LCORL: variants seen among roughly 807,000 people sequenced by gnomAD.
LCORL encodes ligand-dependent nuclear receptor corepressor-like protein.
LCORL carries 41 observed loss-of-function variants against 141.8 expected under a neutral mutation model. That is an observed-to-expected ratio of 0.29 (90% CI 0.23 to 0.38). The LOEUF (loss-of-function observed/expected upper bound fraction) is 0.38, where lower values mean the gene tolerates loss of function less well. Among genes scored for constraint, LCORL ranks in the 10% least tolerant of loss-of-function variants. The pLI is 1.00. For synonymous variants in LCORL, 618 were observed against 694.1 expected (o/e 0.89, Z 1.72); for missense variants, 1,759 against 2,035.0 (o/e 0.86, Z 2.61).
At chr4:17,989,101 A>C (rs1254660748) in intron 1 of LCORL, among the ~76,000 whole-genome samples, 2 of 152,220 alleles carry the variant, frequency 1.3e-5, no homozygotes, top group Non-Finnish European at 2.9e-5. Flanking sequence ...TAGTATATCT[A>C]TAGATTCTCT....
chr4:17,917,120 A>G (rs1733565174), intron 4 of LCORL, among the ~76,000 whole-genome samples: 1 of 151,694 alleles, frequency 6.6e-6, no homozygotes, highest in Non-Finnish European at 1.5e-5. Flanking sequence ...GATTACAGAC[A>G]TGTGCTACTG....
intron 5 of LCORL, among the ~76,000 whole-genome samples, chr4:17,907,379 G>C (rs1473015712): frequency 1.3e-5 from 2 of 152,108 alleles, no homozygotes; most frequent in Non-Finnish European, 2.9e-5. Flanking sequence ...AATTACAATT[G>C]AAGAAATTAA....
intron 7 of LCORL, among the ~76,000 whole-genome samples, chr4:17,857,083 G>A (rs1724444480): frequency 6.6e-6 from 1 of 152,204 alleles, no homozygotes; most frequent in South Asian, 2.1e-4. Flanking sequence ...TGGCCATGAT[G>A]AAGTAACAGG....
At chr4:17,917,954 A>G (rs1680614310) in intron 4 of LCORL, among the ~76,000 whole-genome samples, 1 of 151,894 alleles carries the variant, frequency 6.6e-6, no homozygotes, top group African/African-American at 2.4e-5. Flanking sequence ...ACAAAACAAA[A>G]CAAAACAAAA....
intron 5 of LCORL, among the ~76,000 whole-genome samples, chr4:17,897,400 AT>A (rs1254041441): frequency 2.0e-5 from 3 of 151,102 alleles, no homozygotes; most frequent in African/African-American, 7.3e-5. Flanking sequence ...CAATTATCTT[AT>A]TGGGGTGGAA....
chr4:17,946,113 A>C (rs1738836516), intron 4 of LCORL, among the ~76,000 whole-genome samples: 1 of 152,022 alleles, frequency 6.6e-6, no homozygotes, highest in Non-Finnish European at 1.5e-5. Context: ...ATCAGTTCTC[A>C]TAACAAAACA....
Position 17,881,019 on chromosome 4 carries a change from T to C in LCORL, c.777-2806A>G, listed in dbSNP as rs1303928004. The C allele has an allele frequency of 4.1e-6, 4 of 982,428 alleles. No homozygotes were observed. The South Asian group carries it at 1.9e-4, about 46-fold the overall frequency. The allele number at this position is 982,428 out of a possible 1,614,324, so 60.9% of individuals were successfully genotyped here. ...AAAACAAATACAAGTATTTGTACTG[T>C]AAACAACTAAAAAAATCAGTCTCAC... is the stretch of plus-strand genomic sequence containing the variant. On this transcript the variant is annotated intron_variant, in intron 6 of 7. Transcript: ENST00000635767.
intron 2 of LCORL, among the ~76,000 whole-genome samples, chr4:17,964,828 G>A (rs1224369322): frequency 2.7e-5 from 4 of 150,198 alleles, no homozygotes; most frequent in Non-Finnish European, 5.9e-5. Flanking sequence ...TATGCCAAGC[G>A]TAACATAATT....
chr4:17,967,736 A>T (rs1000807216), intron 2 of LCORL, among the ~76,000 whole-genome samples: 4 of 152,228 alleles, frequency 2.6e-5, no homozygotes, highest in African/African-American at 9.6e-5. Flanking sequence ...AAGCATTATG[A>T]TGAATATACT....
intron 4 of LCORL, among the ~76,000 whole-genome samples, chr4:17,939,302 T>C (rs907628423): frequency 6.6e-6 from 1 of 152,250 alleles, no homozygotes; most frequent in Admixed American, 6.5e-5. Flanking sequence ...GTGGAGCAAC[T>C]GTAATTCTTA....
intron 1 of LCORL, among the ~76,000 whole-genome samples, chr4:17,993,667 G>A (rs1720427598): frequency 6.6e-6 from 1 of 152,188 alleles, no homozygotes; most frequent in East Asian, 1.9e-4. Context: ...TATCCTGAAA[G>A]CCAAATGAAC....
exon 5 of LCORL, chr4:17,909,228 C>T (rs765383820): frequency 6.2e-7 from 1 of 1,613,542 alleles, no homozygotes; most frequent in East Asian, 2.2e-5. Context: ...TGAACCATTT[C>T]TATTCTCTTG....
At chr4:17,903,743 T>C (rs1310657667) in intron 5 of LCORL, among the ~76,000 whole-genome samples, 5 of 152,012 alleles carry the variant, frequency 3.3e-5, no homozygotes, top group African/African-American at 1.2e-4. Flanking sequence ...AGGGTAACCA[T>C]ATTTTAAGTG....
intron 2 of LCORL, among the ~76,000 whole-genome samples, chr4:17,972,593 T>C (rs957816742): frequency 6.6e-6 from 1 of 151,680 alleles, no homozygotes; most frequent in South Asian, 2.1e-4. Flanking sequence ...AATTACACCA[T>C]TGACCTCCAA....
chr4:17,975,606 G>A (rs1163567430), intron 1 of LCORL, among the ~76,000 whole-genome samples: 1 of 152,098 alleles, frequency 6.6e-6, no homozygotes, highest in African/African-American at 2.4e-5. Flanking sequence ...ATGTTGGCCA[G>A]GCTGGTCTCA....
chr4:17,897,423 T>C lies in LCORL; in HGVS notation c.683-11262A>G, dbSNP rs139863863. ...TTATTGGGGTGGAAAAACAGTAATA[T>C]TTTAAGTCTATTATGCCTTCCATAT... On this transcript the variant is annotated intron_variant, in intron 5 of 7. Transcript: ENST00000635767. Among the ~76,000 whole-genome samples the C allele has an allele frequency of 8.9e-3, 1,350 of 151,942 alleles. 38 individuals carry two copies. Among genetic ancestry groups the C allele is most frequent in the Admixed American group, 0.052 (795 of 15,230 alleles).
At chr4:17,860,817 A>AG (rs1227059191) in intron 7 of LCORL, among the ~76,000 whole-genome samples, 1 of 152,240 alleles carries the variant, frequency 6.6e-6, no homozygotes, top group East Asian at 1.9e-4. Flanking sequence ...GCCAAAACAC[A>AG]GGGGCTAAAG....
intron 4 of LCORL, chr4:17,911,931 TCTGAATGGCCAGACCATGCAAAGC>T: frequency 1.8e-6 from 1 of 553,866 alleles, no homozygotes; most frequent in Non-Finnish European, 3.4e-6. Flanking sequence ...CCATGCAAAG[TCTGAATGGCCAGACCATGCAAAGC>T]CTGAATGACT....
intron 2 of LCORL, among the ~76,000 whole-genome samples, chr4:17,966,161 G>C (rs79405867): frequency 0.077 from 11,781 of 152,064 alleles, 670 homozygotes; most frequent in Non-Finnish European, 0.12. Context: ...TTAACATTTT[G>C]TTATAGATTC....
Sources: gnomAD v4.1 joint callset for allele counts (sites outside exome capture counted in the v4.1 genomes callset) on GRCh38, gnomAD v4.1.1 for gene constraint, MANE v1.5 for transcripts, NCBI Gene and HGNC (gene_info 2026-07-23, HGNC 2026-07-21) for gene names.